Variants in DPP10 observed in about 807,000 individuals in gnomAD.
DPP10 encodes the protein inactive dipeptidyl peptidase 10.
A neutral mutation model predicts 120.9 loss-of-function variants in DPP10; 33 were observed. The observed-to-expected ratio is 0.27, with a 90% CI of 0.21 to 0.37. DPP10 has a LOEUF of 0.37. DPP10 is among the 10% of genes least tolerant of loss of function. DPP10 has a pLI of 1.00. For missense variants in DPP10, 816 were observed against 942.8 expected, an observed-to-expected ratio of 0.87 and a Z score of 1.76; for synonymous variants, 337 against 326.1, an observed-to-expected ratio of 1.03 and a Z score of -0.36.
chr2:115,728,616 T>A (rs1463454967), intron 8 of DPP10, among the ~76,000 whole-genome samples: 2 of 152,182 alleles, frequency 1.3e-5, no homozygotes, highest in Non-Finnish European at 2.9e-5. Context: ...AGATTTAAAG[T>A]AAGTCTACTT....
At chr2:114,658,800 T>A (rs1483122454) in intron 1 of DPP10, among the ~76,000 whole-genome samples, 6 of 152,210 alleles carry the variant, frequency 3.9e-5, no homozygotes, top group Admixed American at 2.6e-4. Flanking sequence ...TCTTCTGGAA[T>A]GTGAGCATAC....
At chr2:115,605,267 TTCTC>T (rs1461131245) in intron 5 of DPP10, among the ~76,000 whole-genome samples, 23 of 152,132 alleles carry the variant, frequency 1.5e-4, no homozygotes, top group African/African-American at 5.3e-4. Context: ...GTATCACTGT[TTCTC>T]TCATTTTGAA....
chr2:114,659,965 C>T (rs1460678150), intron 1 of DPP10, among the ~76,000 whole-genome samples: 1 of 152,218 alleles, frequency 6.6e-6, no homozygotes, highest in Non-Finnish European at 1.5e-5. Context: ...CTCTCACAGT[C>T]TTCAGAAAGA....
At chr2:115,257,998 A>G (rs1020787876) in intron 1 of DPP10, among the ~76,000 whole-genome samples, 3 of 152,036 alleles carry the variant, frequency 2.0e-5, no homozygotes, top group African/African-American at 7.3e-5. Flanking sequence ...ATGTACCGTT[A>G]TTTTCTCTTT....
intron 12 of DPP10, among the ~76,000 whole-genome samples, chr2:115,768,013 C>G (rs1680999961): frequency 6.6e-6 from 1 of 152,150 alleles, no homozygotes; most frequent in East Asian, 1.9e-4. Flanking sequence ...TTGTTTGAAC[C>G]AATTTAAAAA....
At chr2:115,459,179 C>G (rs1360174037) in intron 3 of DPP10, among the ~76,000 whole-genome samples, 1 of 147,712 alleles carries the variant, frequency 6.8e-6, no homozygotes, top group African/African-American at 2.5e-5. Context: ...TTTTTTTAGT[C>G]TGGGTCATGC....
intron 1 of DPP10, among the ~76,000 whole-genome samples, chr2:115,087,534 TTTTC>T (rs1239215780): frequency 8.8e-4 from 28 of 31,880 alleles, no homozygotes; most frequent in Admixed American, 1.0e-3. Context: ...TTTTCTTTTC[TTTTC>T]TTTTTTTTTT....
chr2:115,371,122 C>T (rs373947026), intron 3 of DPP10, among the ~76,000 whole-genome samples: 7 of 152,082 alleles, frequency 4.6e-5, no homozygotes, highest in African/African-American at 1.7e-4. Context: ...ACATCTGCTA[C>T]TGGTATTTCC....
intron 11 of DPP10, among the ~76,000 whole-genome samples, chr2:115,756,539 T>C (rs1281675878): frequency 7.9e-5 from 12 of 152,066 alleles, no homozygotes; most frequent in African/African-American, 2.9e-4. Context: ...TGAATAATTT[T>C]ACATCAATTA....
At chr2:115,279,949 T>C (rs2060090685) in intron 1 of DPP10, among the ~76,000 whole-genome samples, 1 of 152,110 alleles carries the variant, frequency 6.6e-6, no homozygotes. Context: ...TCTAGAATAT[T>C]GACACTTTAA....
At chr2:114,982,764 C>A (rs562554470) in intron 1 of DPP10, among the ~76,000 whole-genome samples, 2 of 151,408 alleles carry the variant, frequency 1.3e-5, no homozygotes, top group Admixed American at 6.6e-5. Flanking sequence ...CCATGCCTGG[C>A]TAATTTTTGC....
At chr2:115,314,521 A>G (rs1209870083) in intron 2 of DPP10, among the ~76,000 whole-genome samples, 1 of 152,190 alleles carries the variant, frequency 6.6e-6, no homozygotes, top group Non-Finnish European at 1.5e-5. Flanking sequence ...TCAGAATATA[A>G]ACATAACCAA....
At chr2:115,308,035 C>T (rs1336085210) in intron 1 of DPP10, among the ~76,000 whole-genome samples, 2 of 152,070 alleles carry the variant, frequency 1.3e-5, no homozygotes, top group African/African-American at 2.4e-5. Flanking sequence ...AGAAGGGAAA[C>T]AACAAACAAC....
At chr2:115,790,932 A>C (rs1683903146) in intron 17 of DPP10, 149 bp from the exon 18 acceptor site, 3 of 511,726 alleles carry the variant, frequency 5.9e-6, no homozygotes, top group Admixed American at 3.9e-5. Flanking sequence ...TTACTTAGAA[A>C]ACTGTTGTAG....
intron 1 of DPP10, among the ~76,000 whole-genome samples, chr2:114,596,450 T>C (rs17715313): frequency 0.058 from 8,786 of 152,160 alleles, 434 homozygotes; most frequent in Admixed American, 0.16. Flanking sequence ...TCATAGCCAC[T>C]AAATCTGTAA....
chr2:114,594,566 CATATATACATATATATCTCAT>C (rs1338350178), intron 1 of DPP10, among the ~76,000 whole-genome samples: 7 of 144,614 alleles, frequency 4.8e-5, no homozygotes, highest in East Asian at 2.0e-4. Context: ...ATTATGTATA[CATATATACATATATATCTCAT>C]ATATATACAT....
intron 2 of DPP10, chr2:115,342,045 A>C (rs1047047980): frequency 2.4e-6 from 1 of 417,902 alleles, no homozygotes; most frequent in Admixed American, 2.7e-5. Flanking sequence ...TGACTGTACC[A>C]TTTTGCATTC....
intron 3 of DPP10, among the ~76,000 whole-genome samples, chr2:115,375,463 C>A (rs1320963232): frequency 1.3e-5 from 2 of 152,168 alleles, no homozygotes; most frequent in East Asian, 3.9e-4. Flanking sequence ...CTGGGAAGTT[C>A]CAAACTGTAC....
chr2:114,611,880 T>C (rs1176661014), intron 1 of DPP10, among the ~76,000 whole-genome samples: 1 of 152,184 alleles, frequency 6.6e-6, no homozygotes, highest in East Asian at 1.9e-4. Context: ...TCAGGGCATC[T>C]AGGAAAGTCA....
Sources: gnomAD v4.1 joint callset for allele counts (sites outside exome capture counted in the v4.1 genomes callset) on GRCh38, gnomAD v4.1.1 for gene constraint, MANE v1.5 for transcripts, NCBI Gene and HGNC (gene_info 2026-07-23, HGNC 2026-07-21) for gene names.